MYBPC3: variants seen among roughly 807,000 people sequenced by gnomAD.
MYBPC3 encodes myosin-binding protein C, cardiac-type.
MYBPC3 carries 108 observed loss-of-function variants against 159.3 expected under a neutral mutation model. The observed-to-expected ratio is 0.68, with a 90% CI of 0.58 to 0.80. The LOEUF is 0.80. Ranked by LOEUF, MYBPC3 falls within the 30% of genes least tolerant of loss-of-function variation. The pLI is 0.00. For synonymous variants in MYBPC3, 730 were observed against 702.0 expected, an observed-to-expected ratio of 1.04 and a Z score of -0.63; for missense variants, 1,631 against 1,762.1, an observed-to-expected ratio of 0.93 and a Z score of 1.33.
chr11:47,332,970 A>G lies in MYBPC3; in HGVS notation c.3334T>C (p.Trp1112Arg). The change falls in exon 31 of 35, where the codon TGG becomes CGG. Residue 1112 changes from tryptophan to arginine, a missense_variant. Transcript: ENST00000545968. This position sits in a 1 kb window ranked among gnomAD's most constrained non-coding sequence, Gnocchi z 4.2. ...VQKADKKTME[W>R]FTVLEHYRRT... The stretch of plus-strand genomic sequence containing the variant: ...CGGTAATGCTCCAAGACGGTGAACC[A>G]CTCCTGGGGGCAGGGAGGGAGGGGA... The G allele has an allele frequency of 6.2e-7, 1 of 1,607,682 alleles. No homozygotes were observed. The highest frequency in any genetic ancestry group is 2.2e-5 in the East Asian group (1 of 44,682).
chr11:47,349,988 T>C, intron 4 of MYBPC3, 26 bp downstream of exon 4: 9 of 1,486,542 alleles, frequency 6.1e-6, no homozygotes, highest in Non-Finnish European at 8.3e-6. Context: ...CCCACCCCAA[T>C]GCTGGGCACA....
In MYBPC3 at chr11:47,351,189, G is replaced by GGGGCCCCCCC; in HGVS notation, c.292+49_292+50insGGGGGGGCCC. ...TGGATGGATGGAGAGTCGCTGGGCTGCCCCTCCCCCAGCAGCCCAAACCTC... is the reference window on the plus strand; with the variant it reads ...TGGATGGATGGAGAGTCGCTGGGCTGGGGCCCCCCCCCCCTCCCCCAGCAGCCCAAACCTC... On this transcript the variant is annotated intron_variant, in intron 2 of 34. Coordinates refer to ENST00000545968, the MANE Select transcript of MYBPC3 (RefSeq NM_000256.3). This position sits in a 1 kb window ranked among gnomAD's most constrained non-coding sequence, Gnocchi z 4.2. 20 of 1,449,054 alleles carry GGGGCCCCCCC rather than the reference G, an allele frequency of 1.4e-5. No homozygotes were observed. Among genetic ancestry groups the GGGGCCCCCCC allele is most frequent in the East Asian group, 2.6e-5 (1 of 38,924 alleles). 89.8% of individuals were successfully genotyped at this position (1,449,054 alleles called of 1,614,324 possible).
Position 47,338,684 on chromosome 11 carries a change from G to C in MYBPC3, c.2149-5C>G, listed in dbSNP as rs36211722. The stretch of plus-strand genomic sequence containing the variant: ...GCCCTCGGTCTCACACAGCAGCTGG[G>C]GGGGTGCAGAGTTGGGGTGAGATCC... On this transcript the variant is annotated splice_region_variant and splice_polypyrimidine_tract_variant and intron_variant, in intron 22 of 34. Transcript: ENST00000545968. This position sits in a 1 kb window ranked among gnomAD's most constrained non-coding sequence, Gnocchi z 4.7. The C allele has an allele frequency of 1.4e-5, 22 of 1,607,442 alleles. 1 individual carries two copies. In the South Asian group the frequency reaches 2.0e-4, roughly 15 times the overall value.
In MYBPC3 at chr11:47,338,764, GTCCAT is replaced by G; in HGVS notation, c.2149-90_2149-86del. On this transcript the variant is annotated intron_variant, in intron 22 of 34. Coordinates refer to ENST00000545968, the MANE Select transcript of MYBPC3 (RefSeq NM_000256.3). The surrounding 1 kb of genome is among the most constrained non-coding windows in gnomAD (Gnocchi z 4.7). The stretch of plus-strand genomic sequence containing the variant: ...CCGCCAACAGCCAGATGTCCCGGGG[GTCCAT>G]GGGGGGAACACAGCCTGTGGGAAGA... 1 of 1,433,278 alleles carries G rather than the reference GTCCAT, an allele frequency of 7.0e-7. No individual in the cohort carries two copies. The highest frequency in any genetic ancestry group is 9.3e-7 in the Non-Finnish European group (1 of 1,075,330). 88.8% of individuals were successfully genotyped at this position (1,433,278 alleles called of 1,614,324 possible).
chr11:47,332,631 C>T lies in MYBPC3; in HGVS notation c.3562G>A (p.Val1188Met), dbSNP rs1595841083. Residue 1188 changes from valine to methionine, a missense_variant, in exon 32 of 35, where the codon GTG becomes ATG. Transcript: ENST00000545968. This position sits in a 1 kb window ranked among gnomAD's most constrained non-coding sequence, Gnocchi z 4.2. ...SEAPSFTQPL[V>M]NRSVIAGYTA... ...TAGCCCGCGATGACCGAGCGGTTCA[C>T]CAGGGGCTGGGTGAAGCTTGGGGCC... The T allele has an allele frequency of 6.2e-7, 1 of 1,613,868 alleles. No individual in the cohort carries two copies. The highest frequency in any genetic ancestry group is 8.5e-7 in the Non-Finnish European group (1 of 1,179,868).
chr11:47,346,630 G>A lies in MYBPC3; in HGVS notation c.923C>T (p.Pro308Leu), dbSNP rs1330127507. 32 of 1,596,054 alleles carry A rather than the reference G, an allele frequency of 2.0e-5. No individual in the cohort carries two copies. Among genetic ancestry groups the A allele is most frequent in the Non-Finnish European group, 2.6e-5 (31 of 1,171,024 alleles). Reference sequence around the variant, plus strand: ...CTGTGCTATGTTGGGCACTCACCTCGGGGTCCGGAAACTGCTGCTCCAGGG... The same window carrying A: ...CTGTGCTATGTTGGGCACTCACCTCAGGGTCCGGAAACTGCTGCTCCAGGG... ...LLKKRDSFRT[P>L]RDSKLEAPAE... Residue 308 changes from proline (P) to leucine (L), a missense_variant, in exon 11 of 35, where the codon CCG (proline) becomes CTG (leucine). Coordinates refer to ENST00000545968, the MANE Select transcript of MYBPC3 (RefSeq NM_000256.3). This position sits in a 1 kb window ranked among gnomAD's most constrained non-coding sequence, Gnocchi z 5.3.
intron 1 of MYBPC3, 60 bp downstream of exon 1, chr11:47,352,563 C>T: frequency 6.3e-7 from 1 of 1,594,924 alleles, no homozygotes; most frequent in South Asian, 1.1e-5. Context: ...TAGCCCTGCT[C>T]CCCAATTGTA....
chr11:47,347,038 C>T lies in MYBPC3; in HGVS notation c.906-9G>A, dbSNP rs758117772. ...ACCCCGATTCTTACTCTCTGGGCCA[C>T]AGCAGCAGCAGCCATAATGGAGGGG... On this transcript the variant is annotated splice_polypyrimidine_tract_variant and intron_variant, in intron 9 of 34. Coordinates refer to ENST00000545968, the MANE Select transcript of MYBPC3 (RefSeq NM_000256.3). 3 of 807,276 alleles carry T rather than the reference C, an allele frequency of 3.7e-6. No homozygotes were observed. The South Asian group carries it at 4.0e-5, about 11-fold the overall frequency. The allele number at this position is 807,276 out of a possible 1,614,324, so 50.0% of individuals were successfully genotyped here.
Position 47,340,992 on chromosome 11 carries a change from C to G in MYBPC3, c.1927+11G>C, listed in dbSNP as rs1273219296. 2.6e-6 allele frequency: 4 copies of G among 1,558,618 alleles called. No individual in the cohort carries two copies. Among genetic ancestry groups the G allele is most frequent in the Non-Finnish European group, 3.5e-6 (4 of 1,153,180 alleles). Reference sequence around the variant, plus strand: ...TGAGCAGAACCAAGACTCAGGGGCCCCAAGACTTACCCTGCCTGGGTACGA... The same window carrying G: ...TGAGCAGAACCAAGACTCAGGGGCCGCAAGACTTACCCTGCCTGGGTACGA... On this transcript the variant is annotated intron_variant, in intron 20 of 34. Transcript: ENST00000545968.
chr11:47,346,087 G>T lies in MYBPC3; in HGVS notation c.1090+120C>A. On this transcript the variant is annotated intron_variant, in intron 12 of 34. Coordinates refer to ENST00000545968, the MANE Select transcript of MYBPC3 (RefSeq NM_000256.3). The surrounding 1 kb of genome is among the most constrained non-coding windows in gnomAD (Gnocchi z 5.3). ...CTTTCCATGTATGTGGACGAGGTGG[G>T]GGGCTAACCTGTGCCCTCTCCTCTC... is the stretch of plus-strand genomic sequence containing the variant. 2.2e-6 allele frequency: 3 copies of T among 1,368,386 alleles called. No homozygotes were observed. Among genetic ancestry groups the T allele is most frequent in the Non-Finnish European group, 2.0e-6 (2 of 1,012,644 alleles). 84.8% of individuals were successfully genotyped at this position (1,368,386 alleles called of 1,614,324 possible).
rs1402261989 is a variant in MYBPC3, at chr11:47,351,785, A to C, written c.26-280T>G. 6.6e-6 allele frequency among the ~76,000 whole-genome samples: 1 copy of C among 151,996 alleles called. No individual in the cohort carries two copies. The highest frequency in any genetic ancestry group is 3.2e-3 in the Middle Eastern group (1 of 316). On this transcript the variant is annotated intron_variant, in intron 1 of 34. Transcript: ENST00000545968. This position sits in a 1 kb window ranked among gnomAD's most constrained non-coding sequence, Gnocchi z 4.2. Reference sequence around the variant, plus strand: ...AACAAGACTTTTTCTGCATGTGTCCACTTTCCCTGCTTGGAGACACCCGTG... The same window carrying C: ...AACAAGACTTTTTCTGCATGTGTCCCCTTTCCCTGCTTGGAGACACCCGTG...
chr11:47,333,458 T>C, intron 29 of MYBPC3, 99 bp downstream of exon 29: 1 of 1,535,130 alleles, frequency 6.5e-7, no homozygotes, highest in Admixed American at 1.9e-5. Context: ...GACTGGAAAA[T>C]GTGAGCTGTG....
intron 5 of MYBPC3, among the ~76,000 whole-genome samples, chr11:47,349,504 T>C (rs2095898091): frequency 1.4e-5 from 2 of 141,250 alleles, no homozygotes; most frequent in Non-Finnish European, 3.1e-5. Flanking sequence ...GGCCAAACCT[T>C]ATTAGGTGCC....
At chr11:47,345,807 T>C (rs1296374488) in intron 12 of MYBPC3, among the ~76,000 whole-genome samples, 1 of 152,180 alleles carries the variant, frequency 6.6e-6, no homozygotes, top group Non-Finnish European at 1.5e-5. Context: ...CTTTTGGGTG[T>C]GGAGAGGGTT....
rs1003916095 is a variant in MYBPC3, at chr11:47,350,459, C to T, written c.406+43G>A. 8 of 1,542,262 alleles carry T rather than the reference C, an allele frequency of 5.2e-6. No individual in the cohort carries two copies. In the East Asian group the frequency reaches 1.2e-4, roughly 24 times the overall value. ...GCTTTTGAGACCTGCCCTGGACACG[C>T]CCTACCCACGGATCCTGCCCCTCCC... On this transcript the variant is annotated intron_variant, in intron 3 of 34. Transcript: ENST00000545968.
At position 47,350,525 on chromosome 11, in the gene MYBPC3, C is replaced by A. The variant is rs1271339420; in HGVS notation, c.383G>T (p.Gly128Val). Residue 128 changes from glycine (G) to valine (V), a missense_variant, in exon 3 of 35, where the codon GGA (glycine) becomes GTA (valine). Coordinates refer to ENST00000545968, the MANE Select transcript of MYBPC3 (RefSeq NM_000256.3). ...ACCTTTGGGACTTGGGGCACTTTCT[C>A]CCAGCTCAGCGGCTGGGGCCGGGGC... Reference protein sequence around the residue: ...GEAPAPAAELGESAPSPKGSS... With the variant: ...GEAPAPAAELVESAPSPKGSS... 3 of 1,558,478 alleles carry A rather than the reference C, an allele frequency of 1.9e-6. No homozygotes were observed. The highest frequency in any genetic ancestry group is 2.8e-5 in the African/African-American group (2 of 72,460).
In MYBPC3 at chr11:47,350,024, C is replaced by G. The variant is rs730880619; in HGVS notation, c.495G>C (p.Glu165Asp). The G allele has an allele frequency of 4.0e-5, 63 of 1,561,376 alleles. 2 individuals carry two copies. In the Middle Eastern group the frequency reaches 8.4e-4, roughly 21 times the overall value. ...GLFVMRPQDGEVTVGGSITFS... is the reference protein window; with the variant it reads ...GLFVMRPQDGDVTVGGSITFS... ...GCAGCTCACACTCACCCACGGTCAC[C>G]TCGCCATCCTGTGGCCGCATCACGA... The change falls in exon 4 of 35, where the codon GAG becomes GAC. Residue 165 changes from glutamate (E) to aspartate (D), a missense_variant. Coordinates refer to ENST00000545968, the MANE Select transcript of MYBPC3 (RefSeq NM_000256.3).
At position 47,332,678 on chromosome 11, in the gene MYBPC3, T is replaced by C. The variant is rs1214081908; in HGVS notation, c.3515A>G (p.Tyr1172Cys). ...RPGITYEPPNYKALDFSEAPS... is the reference protein window; with the variant it reads ...RPGITYEPPNCKALDFSEAPS... Reference sequence around the variant, plus strand: ...GGCCTCGGAGAAGTCCAGGGCCTTATAGTTGGGTGGCTCATAGGTGATGCC... The same window carrying C: ...GGCCTCGGAGAAGTCCAGGGCCTTACAGTTGGGTGGCTCATAGGTGATGCC... Residue 1172 changes from tyrosine to cysteine, a missense_variant, in exon 32 of 35, where the codon TAT becomes TGT. Transcript: ENST00000545968. This position sits in a 1 kb window ranked among gnomAD's most constrained non-coding sequence, Gnocchi z 4.2. 5 of 1,612,242 alleles carry C rather than the reference T, an allele frequency of 3.1e-6. No individual in the cohort carries two copies. The highest frequency in any genetic ancestry group is 3.4e-6 in the Non-Finnish European group (4 of 1,179,144).
In MYBPC3 at chr11:47,338,507, C is replaced by CG. The variant is rs768733322; in HGVS notation, c.2308+12dup. On this transcript the variant is annotated intron_variant, in intron 23 of 34. Transcript: ENST00000545968. The surrounding 1 kb of genome is among the most constrained non-coding windows in gnomAD (Gnocchi z 4.7). Reference sequence around the variant, plus strand: ...CCTCTGTGTTCTCCAGCTTGGACCCCGGCCGGCCTCACCGATGACCTTGAC... The same window carrying CG: ...CCTCTGTGTTCTCCAGCTTGGACCCCGGGCCGGCCTCACCGATGACCTTGAC... The CG allele has an allele frequency of 2.5e-6, 4 of 1,613,782 alleles. No homozygotes were observed. In the African/African-American group the frequency reaches 5.3e-5, roughly 22 times the overall value.
Sources: allele counts gnomAD v4.1 joint callset (sites outside exome capture counted in the v4.1 genomes callset), GRCh38; gene constraint gnomAD v4.1.1; non-coding constraint Gnocchi (gnomAD v3.1); transcripts MANE v1.5; gene names NCBI Gene and HGNC (gene_info 2026-07-23, HGNC 2026-07-21).